SLC2A13: variants seen among roughly 807,000 people sequenced by gnomAD.
SLC2A13 encodes solute carrier family 2 member 13.
Under a neutral mutation model 64.4 loss-of-function variants are expected in SLC2A13, and 32 were observed. That is an observed-to-expected ratio of 0.50 (90% CI 0.37 to 0.67). The LOEUF is 0.67. SLC2A13 is among the 30% of genes least tolerant of loss of function. SLC2A13 has a pLI of 0.00. For synonymous variants in SLC2A13, 338 were observed against 327.1 expected, an observed-to-expected ratio of 1.03 and a Z score of -0.36; for missense variants, 743 against 829.2, an observed-to-expected ratio of 0.90 and a Z score of 1.28.
At chr12:39,942,799 G>T (rs1459866548) in intron 4 of SLC2A13, among the ~76,000 whole-genome samples, 1 of 152,120 alleles carries the variant, frequency 6.6e-6, no homozygotes, top group Non-Finnish European at 1.5e-5. Flanking sequence ...TTGTTCCCTT[G>T]CTGGTGAGGA....
At chr12:40,090,171 CAA>C (rs564679922) in intron 1 of SLC2A13, among the ~76,000 whole-genome samples, 15 of 152,168 alleles carry the variant, frequency 9.9e-5, no homozygotes, top group Admixed American at 3.9e-4. Flanking sequence ...AAAGGAAAAA[CAA>C]AAGAGATTAG....
chr12:39,900,408 G>A (rs1393426241), intron 4 of SLC2A13, among the ~76,000 whole-genome samples: 1 of 152,138 alleles, frequency 6.6e-6, no homozygotes, highest in Non-Finnish European at 1.5e-5. Context: ...GTCCCTGTTT[G>A]CAGATGACAT....
At chr12:40,074,980 G>A (rs551180944) in intron 1 of SLC2A13, among the ~76,000 whole-genome samples, 1 of 152,174 alleles carries the variant, frequency 6.6e-6, no homozygotes, top group African/African-American at 2.4e-5. Flanking sequence ...AAAGGCTAGA[G>A]AGAACTAGAA....
chr12:39,817,685 T>C (rs1218873621), intron 7 of SLC2A13, among the ~76,000 whole-genome samples: 1 of 152,162 alleles, frequency 6.6e-6, no homozygotes, highest in African/African-American at 2.4e-5. Context: ...GTCATCTTAG[T>C]TTTTACATAC....
chr12:39,856,585 T>A (rs1030883516), intron 6 of SLC2A13, among the ~76,000 whole-genome samples: 1 of 152,164 alleles, frequency 6.6e-6, no homozygotes, highest in Admixed American at 6.6e-5. Context: ...GCCAGGATGG[T>A]CTCGATCTCT....
intron 4 of SLC2A13, among the ~76,000 whole-genome samples, chr12:39,928,252 A>C (rs1022501745): frequency 2.0e-5 from 3 of 152,122 alleles, no homozygotes; most frequent in African/African-American, 7.2e-5. Context: ...GCTTTGGCCC[A>C]ATTGTTGCTT....
At chr12:39,807,514 A>G (rs1942016224) in intron 7 of SLC2A13, among the ~76,000 whole-genome samples, 1 of 152,232 alleles carries the variant, frequency 6.6e-6, no homozygotes, top group South Asian at 2.1e-4. Context: ...ATTTCAAAAT[A>G]AAAACACTAA....
At chr12:39,836,495 T>G (rs1043278842) in intron 6 of SLC2A13, among the ~76,000 whole-genome samples, 1 of 151,694 alleles carries the variant, frequency 6.6e-6, no homozygotes, top group African/African-American at 2.4e-5. Flanking sequence ...CCAGGGCAAT[T>G]AGGCAGGAGA....
At chr12:39,853,290 G>C (rs1429971345) in intron 6 of SLC2A13, among the ~76,000 whole-genome samples, 4 of 152,108 alleles carry the variant, frequency 2.6e-5, no homozygotes, top group African/African-American at 9.7e-5. Flanking sequence ...ACTAGCAGAA[G>C]GCTGAACCAC....
intron 7 of SLC2A13, among the ~76,000 whole-genome samples, chr12:39,818,444 A>C (rs1046990879): frequency 1.3e-5 from 2 of 152,214 alleles, no homozygotes; most frequent in Non-Finnish European, 2.9e-5. Context: ...TGAAGAGCTT[A>C]CAATAGTATC....
rs145124463 is a variant in SLC2A13, at chr12:40,023,687, T to C, written c.925+4614A>G. 3.1e-3 allele frequency among the ~76,000 whole-genome samples: 473 copies of C among 152,302 alleles called. 3 individuals carry two copies. The highest frequency in any genetic ancestry group is 0.011 in the African/African-American group (442 of 41,548). On this transcript the variant is annotated intron_variant, in intron 3 of 9. Coordinates refer to ENST00000280871, the MANE Select transcript of SLC2A13 (RefSeq NM_052885.4). ...TCTATATGCCCAGTAATCCAAGAAA[T>C]GACTTCTCATCTCTAGTGACATGGA... is the stretch of plus-strand genomic sequence containing the variant.
chr12:39,837,227 C>T (rs942101651), intron 6 of SLC2A13, among the ~76,000 whole-genome samples: 1 of 150,776 alleles, frequency 6.6e-6, no homozygotes, highest in African/African-American at 2.4e-5. Flanking sequence ...CTGAGAAAAA[C>T]AAGCAATGGG....
intron 6 of SLC2A13, among the ~76,000 whole-genome samples, chr12:39,842,529 G>A (rs1943203051): frequency 1.3e-5 from 2 of 152,004 alleles, no homozygotes; most frequent in Non-Finnish European, 2.9e-5. Flanking sequence ...ACAGTAGGAG[G>A]CAATGGTTAC....
rs533974276 is a variant in SLC2A13 at position 39,853,404 on chromosome 12, C to T, written c.1319+11358G>A. On this transcript the variant is annotated intron_variant, in intron 6 of 9. Transcript: ENST00000280871. ...TCTCAGGGTCCCCAAAATTCTAACA[C>T]TCTTTAAAAAAAAAATCAAAAATAA... Among the ~76,000 whole-genome samples, 16 of 151,778 alleles carry T rather than the reference C, an allele frequency of 1.1e-4. No individual in the cohort carries two copies. In the East Asian group the frequency reaches 1.2e-3, roughly 11 times the overall value.
At chr12:40,087,430 C>T (rs768202318) in intron 1 of SLC2A13, among the ~76,000 whole-genome samples, 13 of 152,106 alleles carry the variant, frequency 8.5e-5, no homozygotes, top group Non-Finnish European at 1.9e-4. Context: ...TATCAAAACG[C>T]TTTAAGCTTT....
intron 6 of SLC2A13, among the ~76,000 whole-genome samples, chr12:39,832,625 A>G (rs1942886280): frequency 6.6e-6 from 1 of 152,076 alleles, no homozygotes; most frequent in Non-Finnish European, 1.5e-5. Flanking sequence ...GTGCTGGGAC[A>G]TGTGAGTGAA....
At chr12:40,044,257 G>C (rs1261381377) in intron 2 of SLC2A13, among the ~76,000 whole-genome samples, 1 of 152,110 alleles carries the variant, frequency 6.6e-6, no homozygotes, top group African/African-American at 2.4e-5. Flanking sequence ...GAAATATACA[G>C]AATACATAAA....
In SLC2A13 at chr12:39,769,696, C is replaced by G. The variant is rs147704045; in HGVS notation, c.1446-4838G>C. ...CTTCTTTTCCTGCCCTATTTAGTTT[C>G]ATCCTACTTGAGCCTTCCCTTCTGT... On this transcript the variant is annotated intron_variant, in intron 7 of 9. Transcript: ENST00000280871. Among the ~76,000 whole-genome samples, 4 of 152,036 alleles carry G rather than the reference C, an allele frequency of 2.6e-5. No individual in the cohort carries two copies. The East Asian group carries it at 7.8e-4, about 30-fold the overall frequency.
chr12:39,933,287 A>G (rs1426238470), intron 4 of SLC2A13, among the ~76,000 whole-genome samples: 2 of 152,188 alleles, frequency 1.3e-5, no homozygotes, highest in Non-Finnish European at 1.5e-5. Context: ...TACATTTCTC[A>G]AAGTTCATTC....
Sources: gnomAD v4.1 joint callset for allele counts (sites outside exome capture counted in the v4.1 genomes callset) on GRCh38, gnomAD v4.1.1 for gene constraint, MANE v1.5 for transcripts, NCBI Gene and HGNC (gene_info 2026-07-23, HGNC 2026-07-21) for gene names.